WDFY2: variants seen among roughly 807,000 people sequenced by gnomAD.
The protein encoded by WDFY2 is WD repeat and FYVE domain containing 2.
In WDFY2, 36 loss-of-function variants were observed where a neutral mutation model predicts 56.4. The observed-to-expected ratio is 0.64, with a 90% CI of 0.49 to 0.84. WDFY2 has a LOEUF of 0.84. Ranked by LOEUF, WDFY2 falls within the 40% of genes least tolerant of loss-of-function variation. The pLI, the probability that WDFY2 is intolerant of heterozygous loss-of-function variation, is 0.00. For synonymous variants in WDFY2, 176 were observed against 183.7 expected (o/e 0.96, Z 0.34); for missense variants, 444 against 512.2 (o/e 0.87, Z 1.29).
intron 5 of WDFY2, 115 bp from the exon 6 acceptor site, chr13:51,727,563 T>C (rs1952630531): frequency 1.1e-6 from 1 of 928,600 alleles, no homozygotes. Flanking sequence ...CAGCACTGTC[T>C]TCACATTTTC....
intron 7 of WDFY2, among the ~76,000 whole-genome samples, chr13:51,742,035 G>T (rs187425765): frequency 6.6e-6 from 1 of 152,178 alleles, no homozygotes; most frequent in Non-Finnish European, 1.5e-5. Flanking sequence ...CAAATTAGGG[G>T]CATAATTGGT....
At chr13:51,702,006 C>T (rs1209262014) in intron 3 of WDFY2, among the ~76,000 whole-genome samples, 1 of 152,090 alleles carries the variant, frequency 6.6e-6, no homozygotes, top group African/African-American at 2.4e-5. Context: ...AGCTACTTTA[C>T]TTCTTTAAAA....
intron 6 of WDFY2, among the ~76,000 whole-genome samples, chr13:51,738,454 A>G (rs1331019336): frequency 6.6e-6 from 1 of 152,210 alleles, no homozygotes; most frequent in East Asian, 1.9e-4. Flanking sequence ...TGATGTTTTC[A>G]TTCTTAGTAA....
In WDFY2 at chr13:51,767,323, TGATAGC is replaced by T. The variant is rs1953781151; in HGVS notation, c.*7556_*7561del. ...CAGTTAAATGGAGCTGGTGCTTGCT[TGATAGC>T]GCCTCCTTTTGTCAGAAAGACGCTG... is the stretch of plus-strand genomic sequence containing the variant. On this transcript the variant is annotated 3_prime_UTR_variant, in exon 12 of 12. Transcript: ENST00000298125. 1 of 152,252 alleles carries T rather than the reference TGATAGC, an allele frequency of 6.6e-6. No individual in the cohort carries two copies. The highest frequency in any genetic ancestry group is 1.5e-5 in the Non-Finnish European group (1 of 68,048). The allele number at this position is 152,252 out of a possible 1,614,324, so 9.4% of individuals were successfully genotyped here.
At chr13:51,722,662 G>A (rs1478568208) in intron 5 of WDFY2, among the ~76,000 whole-genome samples, 1 of 152,180 alleles carries the variant, frequency 6.6e-6, no homozygotes, top group African/African-American at 2.4e-5. Context: ...GGCTCAGGGA[G>A]TAGGTGACTT....
At chr13:51,657,496 C>T (rs779713794) in intron 1 of WDFY2, among the ~76,000 whole-genome samples, 2 of 152,082 alleles carry the variant, frequency 1.3e-5, no homozygotes, top group Admixed American at 6.5e-5. Flanking sequence ...TTTTGTTTAT[C>T]TGAGAATGTC....
chr13:51,632,195 TA>T (rs1321086864), intron 1 of WDFY2, among the ~76,000 whole-genome samples: 2 of 152,290 alleles, frequency 1.3e-5, no homozygotes, highest in East Asian at 3.9e-4. Flanking sequence ...TTTATTTTTT[TA>T]ATCTTGGTGG....
Position 51,759,755 on chromosome 13 carries a change from C to G in WDFY2, c.1189C>G (p.Pro397Ala), listed in dbSNP as rs753078825. 2.5e-6 allele frequency: 4 copies of G among 1,613,860 alleles called. No homozygotes were observed. Among genetic ancestry groups the G allele is most frequent in the African/African-American group, 1.3e-5 (1 of 75,008 alleles). ...DKVIKLWDMT[P>A]VVS ...CTTTTTGCAGTTGTGGGATATGACC[C>G]CAGTCGTGTCTTGATGACTCTCCCA... The change falls in exon 12 of 12, where the codon CCA becomes GCA. Residue 397 changes from proline to alanine, a missense_variant. By Grantham distance (27) the Pro-to-Ala change is conservative. Coordinates refer to ENST00000298125, the MANE Select transcript of WDFY2 (RefSeq NM_052950.4).
chr13:51,725,645 T>G (rs1007926167), intron 5 of WDFY2, among the ~76,000 whole-genome samples: 8 of 152,226 alleles, frequency 5.3e-5, no homozygotes, highest in African/African-American at 9.6e-5. Context: ...GATATATATG[T>G]GTATGTATAT....
chr13:51,707,097 C>T (rs1001197530), intron 4 of WDFY2, among the ~76,000 whole-genome samples: 1 of 152,202 alleles, frequency 6.6e-6, no homozygotes, highest in Non-Finnish European at 1.5e-5. Context: ...ATATTAGACA[C>T]AGACAGATTA....
chr13:51,602,340 A>G (rs1396324728), intron 1 of WDFY2, among the ~76,000 whole-genome samples: 3 of 152,210 alleles, frequency 2.0e-5, no homozygotes, highest in Admixed American at 6.5e-5. Flanking sequence ...ACAGTTGCCT[A>G]TAGCATTCAG....
intron 3 of WDFY2, among the ~76,000 whole-genome samples, chr13:51,692,280 A>G (rs1170941518): frequency 6.6e-6 from 1 of 152,206 alleles, no homozygotes; most frequent in Non-Finnish European, 1.5e-5. Flanking sequence ...CCAGTTTTCA[A>G]AGGGAATCCT....
intron 3 of WDFY2, among the ~76,000 whole-genome samples, chr13:51,695,910 C>A (rs9535735): frequency 5.6e-4 from 85 of 152,262 alleles, no homozygotes; most frequent in African/African-American, 1.8e-3. Flanking sequence ...GCCTTGCTGC[C>A]GCCTTGCAGT....
At chr13:51,743,036 G>A (rs7993522) in intron 7 of WDFY2, among the ~76,000 whole-genome samples, 1,603 of 152,306 alleles carry the variant, frequency 0.011, 25 homozygotes, top group African/African-American at 0.036. Flanking sequence ...CTTGCATTCA[G>A]CTTCTGGGTT....
At chr13:51,698,168 G>A (rs575255728) in intron 3 of WDFY2, among the ~76,000 whole-genome samples, 14 of 152,310 alleles carry the variant, frequency 9.2e-5, no homozygotes, top group Admixed American at 2.0e-4. Context: ...CTTAAGCACC[G>A]TGCTTTGCTA....
intron 4 of WDFY2, among the ~76,000 whole-genome samples, chr13:51,716,468 G>A (rs1593444455): frequency 1.3e-5 from 2 of 151,792 alleles, no homozygotes; most frequent in African/African-American, 2.4e-5. Flanking sequence ...CGAGGCGGGC[G>A]GATCACGAGG....
Position 51,760,925 on chromosome 13 carries a change from G to T in WDFY2, c.*1156G>T, listed in dbSNP as rs1953562227. ...ACAGGCTATGGACCAGTACCCATCT[G>T]CAGCCCAGGGTTGGGGACCCCCACC... On this transcript the variant is annotated 3_prime_UTR_variant, in exon 12 of 12. Coordinates refer to ENST00000298125, the MANE Select transcript of WDFY2 (RefSeq NM_052950.4). The T allele has an allele frequency of 6.6e-6, 1 of 152,214 alleles. No homozygotes were observed. Among genetic ancestry groups the T allele is most frequent in the African/African-American group, 2.4e-5 (1 of 41,452 alleles). 9.4% of individuals were successfully genotyped at this position (152,214 alleles called of 1,614,324 possible). A position where few individuals can be genotyped will look rare whatever the true frequency, so the allele number is the denominator to read the frequency against.
intron 1 of WDFY2, among the ~76,000 whole-genome samples, chr13:51,607,538 G>T (rs1248636140): frequency 6.6e-6 from 1 of 151,764 alleles, no homozygotes; most frequent in East Asian, 1.9e-4. Context: ...TCAAAGTTGA[G>T]TGTTTTTTTT....
At chr13:51,586,509 A>C (rs1953939134) in intron 1 of WDFY2, 1 of 152,948 alleles carries the variant, frequency 6.5e-6, no homozygotes, top group East Asian at 1.9e-4. Flanking sequence ...CAATTGAGAT[A>C]ATAAAACTAC....
Sources: allele counts gnomAD v4.1 joint callset (sites outside exome capture counted in the v4.1 genomes callset), GRCh38; gene constraint gnomAD v4.1.1; transcripts MANE v1.5; gene names NCBI Gene and HGNC (gene_info 2026-07-23, HGNC 2026-07-21).